The following DENND1A variants were observed in gnomAD, a reference collection of about 807,000 sequenced individuals.
DENND1A encodes the protein DENN domain containing 1A, also known as DENN domain-containing protein 1A.
DENND1A carries 51 observed loss-of-function variants against 113.7 expected under a neutral mutation model. That is an observed-to-expected ratio of 0.45 (90% CI 0.36 to 0.57). The LOEUF (loss-of-function observed/expected upper bound fraction) is 0.57. Ranked by LOEUF, DENND1A falls within the 20% of genes least tolerant of loss-of-function variation. The pLI is 0.00. For synonymous variants in DENND1A, 565 were observed against 570.8 expected, an observed-to-expected ratio of 0.99 and a Z score of 0.14; for missense variants, 1,258 against 1,395.9, an observed-to-expected ratio of 0.90 and a Z score of 1.57.
chr9:123,539,808 G>T (rs1280661415), intron 13 of DENND1A, among the ~76,000 whole-genome samples: 2 of 151,494 alleles, frequency 1.3e-5, no homozygotes, highest in African/African-American at 2.4e-5. Context: ...GCGTGAACCC[G>T]GGAGGCAGAG....
At chr9:123,673,417 C>T (rs181517141) in intron 6 of DENND1A, among the ~76,000 whole-genome samples, 8 of 152,360 alleles carry the variant, frequency 5.3e-5, no homozygotes, top group Admixed American at 5.2e-4. Context: ...TTGTGTCCTT[C>T]TGACATGTTC....
At chr9:123,923,998 A>G (rs1054716009) in intron 1 of DENND1A, among the ~76,000 whole-genome samples, 10 of 152,250 alleles carry the variant, frequency 6.6e-5, no homozygotes, top group African/African-American at 2.4e-4. Flanking sequence ...ATTCATAATG[A>G]TGAAAAGGGG....
At chr9:123,872,306 T>C (rs904940954) in intron 2 of DENND1A, among the ~76,000 whole-genome samples, 1 of 152,218 alleles carries the variant, frequency 6.6e-6, no homozygotes, top group African/African-American at 2.4e-5. Flanking sequence ...ACTACATCAT[T>C]TATAACAAGA....
At chr9:123,622,977 A>T (rs1336683012) in intron 10 of DENND1A, among the ~76,000 whole-genome samples, 1 of 152,254 alleles carries the variant, frequency 6.6e-6, no homozygotes, top group East Asian at 1.9e-4. Flanking sequence ...AATGGCACAG[A>T]TCTAAAGTAG....
At chr9:123,721,627 G>C (rs1275825502) in intron 5 of DENND1A, among the ~76,000 whole-genome samples, 1 of 152,186 alleles carries the variant, frequency 6.6e-6, no homozygotes, top group Non-Finnish European at 1.5e-5. Flanking sequence ...AAATCATGGG[G>C]GCAGGTCTTT....
chr9:123,703,227 G>A (rs1246787701), intron 5 of DENND1A, among the ~76,000 whole-genome samples: 1 of 152,110 alleles, frequency 6.6e-6, no homozygotes, highest in African/African-American at 2.4e-5. Context: ...GGACTCAAGT[G>A]ATCCATCCAC....
At chr9:123,421,002 A>G (rs921292794) in intron 19 of DENND1A, among the ~76,000 whole-genome samples, 9 of 150,680 alleles carry the variant, frequency 6.0e-5, no homozygotes, top group Non-Finnish European at 1.3e-4. Flanking sequence ...GGGCAGGGGC[A>G]GGGACCTCGC....
At chr9:123,484,610 T>A (rs547915516) in intron 13 of DENND1A, among the ~76,000 whole-genome samples, 1 of 152,282 alleles carries the variant, frequency 6.6e-6, no homozygotes, top group South Asian at 2.1e-4. Flanking sequence ...TTGTTGCCCC[T>A]TGCTCCGCAC....
intron 11 of DENND1A, among the ~76,000 whole-genome samples, chr9:123,597,118 G>A (rs1048505452): frequency 6.6e-6 from 1 of 152,092 alleles, no homozygotes; most frequent in Non-Finnish European, 1.5e-5. Context: ...ACTGCCACTT[G>A]CCATCATTCA....
At chr9:123,394,409 G>T (rs959109380) in intron 21 of DENND1A, among the ~76,000 whole-genome samples, 5 of 152,220 alleles carry the variant, frequency 3.3e-5, no homozygotes, top group African/African-American at 1.2e-4. Context: ...GGACCAGGTC[G>T]TGGAGGGCCT....
chr9:123,488,073 G>A (rs2051044637), intron 13 of DENND1A, among the ~76,000 whole-genome samples: 1 of 152,228 alleles, frequency 6.6e-6, no homozygotes, highest in Admixed American at 6.5e-5. Context: ...GGCAGCCTCT[G>A]CCACTAGATG....
At chr9:123,467,393 C>T (rs1453662202) in intron 13 of DENND1A, among the ~76,000 whole-genome samples, 1 of 152,148 alleles carries the variant, frequency 6.6e-6, no homozygotes, top group Non-Finnish European at 1.5e-5. Context: ...TGGTGGCTCA[C>T]GCCTGTAATC....
chr9:123,668,559 C>T (rs1272966669), intron 7 of DENND1A, among the ~76,000 whole-genome samples: 1 of 152,182 alleles, frequency 6.6e-6, no homozygotes, highest in East Asian at 1.9e-4. Context: ...AAAGGTCACA[C>T]AGCTAGTACG....
At chr9:123,630,244 C>A (rs2138604690) in intron 10 of DENND1A, 132 bp downstream of exon 10, 1 of 140,632 alleles carries the variant, frequency 7.1e-6, no homozygotes, top group Non-Finnish European at 1.4e-5. Context: ...TGGATTCTCA[C>A]TATTTTGTCC....
chr9:123,659,985 C>G (rs2063148032), intron 8 of DENND1A, among the ~76,000 whole-genome samples: 1 of 152,188 alleles, frequency 6.6e-6, no homozygotes, highest in African/African-American at 2.4e-5. Context: ...TTTCCTGCTT[C>G]ATTTTGTAAT....
chr9:123,743,937 G>A (rs1019924700), intron 5 of DENND1A, among the ~76,000 whole-genome samples: 5 of 152,094 alleles, frequency 3.3e-5, no homozygotes, highest in Middle Eastern at 3.4e-3. Flanking sequence ...GCGTAAGTCC[G>A]TTTCACAAAC....
At chr9:123,687,745 A>C (rs537690170) in intron 5 of DENND1A, among the ~76,000 whole-genome samples, 1 of 152,316 alleles carries the variant, frequency 6.6e-6, no homozygotes, top group South Asian at 2.1e-4. Flanking sequence ...GTAAAGCAAG[A>C]ATTTGTGCAA....
At chr9:123,413,029 CA>C (rs1452633906) in intron 19 of DENND1A, among the ~76,000 whole-genome samples, 2 of 152,174 alleles carry the variant, frequency 1.3e-5, no homozygotes, top group African/African-American at 2.4e-5. Context: ...TACAAAAATA[CA>C]AAAATTAGCC....
intron 2 of DENND1A, among the ~76,000 whole-genome samples, chr9:123,833,122 C>CAAAAAAAA (rs1163844269): frequency 1.1e-4 from 3 of 27,568 alleles, no homozygotes; most frequent in South Asian, 1.7e-3. Flanking sequence ...GACCTCATCT[C>CAAAAAAAA]AAAAAAAAAA....
Sources: gnomAD v4.1 joint callset for allele counts (sites outside exome capture counted in the v4.1 genomes callset) on GRCh38, gnomAD v4.1.1 for gene constraint, MANE v1.5 for transcripts, NCBI Gene and HGNC (gene_info 2026-07-23, HGNC 2026-07-21) for gene names.